The following MTUS2 variants were observed in gnomAD, a reference collection of about 807,000 sequenced individuals.
MTUS2 encodes microtubule associated scaffold protein 2.
Under a neutral mutation model 114.1 loss-of-function variants are expected in MTUS2, and 40 were observed. The observed-to-expected ratio is 0.35, with a 90% CI of 0.27 to 0.46. The LOEUF is 0.46. MTUS2 is among the 20% of genes least tolerant of loss of function. The pLI is 1.00. For synonymous variants in MTUS2, 688 were observed against 672.0 expected (o/e 1.02, Z -0.37); for missense variants, 1,679 against 1,705.4 (o/e 0.98, Z 0.27).
intron 6 of MTUS2, among the ~76,000 whole-genome samples, chr13:29,289,464 C>CTTTT (rs532952669): frequency 2.9e-5 from 4 of 139,714 alleles, no homozygotes; most frequent in Middle Eastern, 3.8e-3. Context: ...GTAGGCATTT[C>CTTTT]TTTTTTTTTT....
intron 8 of MTUS2, among the ~76,000 whole-genome samples, chr13:29,403,652 A>T (rs1367589972): frequency 6.6e-6 from 1 of 152,116 alleles, no homozygotes; most frequent in Admixed American, 6.6e-5. Flanking sequence ...GTGAAGTGGG[A>T]CATTGATTTT....
chr13:29,212,197 T>A (rs1246331254), intron 5 of MTUS2, among the ~76,000 whole-genome samples: 1 of 152,210 alleles, frequency 6.6e-6, no homozygotes, highest in African/African-American at 2.4e-5. Context: ...TCTTCTTTGG[T>A]CCATGGTTAT....
At chr13:29,174,251 C>T (rs2139130743) in intron 5 of MTUS2, among the ~76,000 whole-genome samples, 1 of 152,234 alleles carries the variant, frequency 6.6e-6, no homozygotes, top group East Asian at 1.9e-4. Context: ...TGGGTGCACT[C>T]TTCATGTATT....
At chr13:29,121,932 G>A (rs925542184) in intron 5 of MTUS2, among the ~76,000 whole-genome samples, 1 of 152,006 alleles carries the variant, frequency 6.6e-6, no homozygotes, top group Non-Finnish European at 1.5e-5. Flanking sequence ...CGTGCTGGGA[G>A]TACAGGTGTG....
chr13:29,190,440 G>A (rs112996350), intron 5 of MTUS2, among the ~76,000 whole-genome samples: 2 of 152,204 alleles, frequency 1.3e-5, no homozygotes, highest in Non-Finnish European at 2.9e-5. Context: ...GCACACCCAG[G>A]TCGCCTGGCT....
intron 5 of MTUS2, 68 bp from the exon 6 acceptor site, chr13:29,281,636 G>C: frequency 6.7e-7 from 1 of 1,495,470 alleles, no homozygotes; most frequent in South Asian, 1.2e-5. Context: ...TGGTTGGCAA[G>C]TGCAAATGGT....
chr13:29,033,791 G>A, intron 3 of MTUS2, 94 bp from the exon 4 acceptor site: 1 of 1,474,554 alleles, frequency 6.8e-7, no homozygotes, highest in Admixed American at 2.0e-5. Context: ...TGGTACCAGA[G>A]TGGTCATTGG....
At position 29,426,056 on chromosome 13, in the gene MTUS2, G is replaced by A. The variant is rs141595918; in HGVS notation, c.3118-13927G>A. On this transcript the variant is annotated intron_variant, in intron 8 of 15. Coordinates refer to ENST00000612955, the MANE Select transcript of MTUS2 (RefSeq NM_001033602.4). ...GAAAGCATTCTTTAAATCAATGTAG[G>A]GAGTTTAGTTAGCTTTGCAGGCCTT... Among the ~76,000 whole-genome samples, 37 of 152,268 alleles carry A rather than the reference G, an allele frequency of 2.4e-4. 1 individual carries two copies. In the East Asian group the frequency reaches 4.6e-3, roughly 19 times the overall value.
intron 8 of MTUS2, among the ~76,000 whole-genome samples, chr13:29,391,603 C>G (rs1873472110): frequency 6.6e-6 from 1 of 151,114 alleles, no homozygotes; most frequent in Non-Finnish European, 1.5e-5. Context: ...CTTTCTCACA[C>G]TCTTGATCTT....
intron 2 of MTUS2, among the ~76,000 whole-genome samples, chr13:28,921,670 G>A (rs1044614000): frequency 2.0e-5 from 3 of 152,194 alleles, no homozygotes; most frequent in Non-Finnish European, 4.4e-5. Flanking sequence ...ATTTTGGCCT[G>A]TGCTAGTGAG....
chr13:29,140,856 A>C (rs1055435632), intron 5 of MTUS2, among the ~76,000 whole-genome samples: 2 of 152,182 alleles, frequency 1.3e-5, no homozygotes, highest in Non-Finnish European at 2.9e-5. Flanking sequence ...ACTTGAAAAC[A>C]CAGCAAAGTA....
intron 9 of MTUS2, among the ~76,000 whole-genome samples, chr13:29,465,326 T>G (rs2138812600): frequency 6.6e-6 from 1 of 152,284 alleles, no homozygotes. Flanking sequence ...ACGGTGAGGC[T>G]TAGAGGGCTT....
intron 2 of MTUS2, among the ~76,000 whole-genome samples, chr13:28,891,858 C>CAAAAA (rs1169875500): frequency 1.9e-5 from 1 of 52,178 alleles, no homozygotes; most frequent in Non-Finnish European, 3.7e-5. Flanking sequence ...GACTCTGTCT[C>CAAAAA]AAAAAAAAAA....
intron 4 of MTUS2, among the ~76,000 whole-genome samples, chr13:29,069,837 T>C (rs1449777370): frequency 6.6e-6 from 1 of 152,214 alleles, no homozygotes; most frequent in Non-Finnish European, 1.5e-5. Context: ...ATGAATAATT[T>C]GGATTTTTTT....
At chr13:28,985,085 C>T (rs1006555831) in intron 2 of MTUS2, among the ~76,000 whole-genome samples, 4 of 152,124 alleles carry the variant, frequency 2.6e-5, no homozygotes, top group Non-Finnish European at 4.4e-5. Flanking sequence ...GAGAAGATTC[C>T]AAAGAGCTGA....
intron 5 of MTUS2, among the ~76,000 whole-genome samples, chr13:29,119,794 A>C (rs1891233541): frequency 6.6e-6 from 1 of 152,150 alleles, no homozygotes; most frequent in African/African-American, 2.4e-5. Context: ...TTAGTCCACC[A>C]ATTTAAATGC....
intron 10 of MTUS2, among the ~76,000 whole-genome samples, chr13:29,481,383 T>G (rs1158673158): frequency 6.6e-6 from 1 of 151,270 alleles, no homozygotes; most frequent in Non-Finnish European, 1.5e-5. Flanking sequence ...CCCGCTTCCA[T>G]GAGCACTGCT....
chr13:29,084,797 G>A (rs912574634), intron 4 of MTUS2, among the ~76,000 whole-genome samples: 2 of 82,942 alleles, frequency 2.4e-5, no homozygotes, highest in Non-Finnish European at 5.4e-5. Flanking sequence ...CCCCCTCACC[G>A]TTGGCCTTCC....
At chr13:29,431,919 A>C (rs915451269) in intron 8 of MTUS2, among the ~76,000 whole-genome samples, 1 of 151,762 alleles carries the variant, frequency 6.6e-6, no homozygotes, top group Non-Finnish European at 1.5e-5. Flanking sequence ...ATCATGGCTC[A>C]CTATAAACTT....
Sources: allele counts gnomAD v4.1 joint callset (sites outside exome capture counted in the v4.1 genomes callset), GRCh38; gene constraint gnomAD v4.1.1; transcripts MANE v1.5; gene names NCBI Gene and HGNC (gene_info 2026-07-23, HGNC 2026-07-21).